Variants in PCDH11Y observed in about 807,000 individuals in gnomAD.
The protein encoded by PCDH11Y is protocadherin 11 Y-linked.
For synonymous variants in PCDH11Y, 9 were observed against 83.6 expected, an observed-to-expected ratio of 0.11 and a Z score of 4.87; for missense variants, 12 against 224.8, an observed-to-expected ratio of 0.05 and a Z score of 6.05.
intron 3 of PCDH11Y, among the ~76,000 whole-genome samples, chrY:5,565,961 T>A (rs912029286): frequency 1.8e-4 from 4 of 22,623 alleles, no homozygotes; most frequent in East Asian, 1.1e-3. Flanking sequence ...TATATATATA[T>A]AATATATATA....
exon 5 of PCDH11Y, chrY:5,741,366 T>C (rs2053617301): frequency 6.3e-5 from 2 of 31,735 alleles, no homozygotes; most frequent in Non-Finnish European, 1.5e-4. Flanking sequence ...ATTAAAGGTG[T>C]TTTACTCACA....
intron 2 of PCDH11Y, among the ~76,000 whole-genome samples, chrY:5,157,918 A>G: frequency 3.0e-5 from 1 of 32,926 alleles, no homozygotes. Context: ...CTTGAGATTT[A>G]TAGGTCACTC....
intron 3 of PCDH11Y, among the ~76,000 whole-genome samples, chrY:5,521,903 T>C (rs2124690355): frequency 3.0e-5 from 1 of 33,718 alleles, no homozygotes; most frequent in East Asian, 7.9e-4. Flanking sequence ...GGAGTCTCAC[T>C]CTGTTGCTCA....
Position 5,435,025 on chromosome Y carries a change from A to T in PCDH11Y, c.3130-66032A>T. The stretch of plus-strand genomic sequence containing the variant: ...TGAATATTTATGAAGATCCTGACAC[A>T]TCTATTGAACAAACATGCATGTAAC... On this transcript the variant is annotated intron_variant, in intron 2 of 4. Transcript: ENST00000400457. 8.9e-5 allele frequency among the ~76,000 whole-genome samples: 3 copies of T among 33,684 alleles called. No individual in the cohort carries two copies. In the South Asian group the frequency reaches 2.0e-3, roughly 22 times the overall value. The allele number at this position is 33,684 out of a possible 37,273, so 90.4% of individuals were successfully genotyped here.
chrY:5,407,749 TA>T (rs2053240749), intron 2 of PCDH11Y, among the ~76,000 whole-genome samples: 4 of 29,611 alleles, frequency 1.4e-4, no homozygotes, highest in East Asian at 1.8e-3. Context: ...CCGTCTCTAC[TA>T]AAAAAAATAC....
intron 2 of PCDH11Y, among the ~76,000 whole-genome samples, chrY:5,444,194 A>G: frequency 6.2e-5 from 2 of 32,145 alleles, no homozygotes; most frequent in Non-Finnish European, 1.5e-4. Flanking sequence ...ATTATTATGC[A>G]TTATATGCCT....
At chrY:5,627,439 T>TA (rs2053508473) in intron 4 of PCDH11Y, among the ~76,000 whole-genome samples, 1 of 28,671 alleles carries the variant, frequency 3.5e-5, no homozygotes, top group African/African-American at 1.4e-4. Flanking sequence ...TTTGCTCTTG[T>TA]AGCCCAGACT....
At chrY:5,636,536 G>A in intron 4 of PCDH11Y, among the ~76,000 whole-genome samples, 1 of 33,686 alleles carries the variant, frequency 3.0e-5, no homozygotes, top group Admixed American at 2.7e-4. Context: ...TCAACAATTA[G>A]TAGTGACATA....
chrY:5,550,649 A>G, intron 3 of PCDH11Y, among the ~76,000 whole-genome samples: 2 of 33,097 alleles, frequency 6.0e-5, no homozygotes, highest in African/African-American at 1.2e-4. Context: ...TAAATTGTCC[A>G]TATGTCCCCT....
At chrY:5,385,103 T>C in intron 2 of PCDH11Y, among the ~76,000 whole-genome samples, 1 of 28,422 alleles carries the variant, frequency 3.5e-5, no homozygotes, top group Non-Finnish European at 8.2e-5. Context: ...TATTTTGGTC[T>C]GTAGCTGGCT....
intron 2 of PCDH11Y, among the ~76,000 whole-genome samples, chrY:5,412,249 A>G: frequency 3.3e-5 from 1 of 30,629 alleles, no homozygotes; most frequent in Admixed American, 3.1e-4. Context: ...TCATTGGTGT[A>G]TAGGAATGCT....
chrY:5,180,908 C>A, intron 2 of PCDH11Y, among the ~76,000 whole-genome samples: 1 of 32,521 alleles, frequency 3.1e-5, no homozygotes, highest in Non-Finnish European at 7.6e-5. Context: ...GGCATTTAGC[C>A]CATTTACATT....
At chrY:5,473,381 T>C in intron 2 of PCDH11Y, among the ~76,000 whole-genome samples, 7 of 31,415 alleles carry the variant, frequency 2.2e-4, no homozygotes, top group Non-Finnish European at 5.5e-4. Context: ...CATTTTACTT[T>C]ACGTTTGTAT....
intron 4 of PCDH11Y, among the ~76,000 whole-genome samples, chrY:5,663,977 A>G: frequency 3.3e-5 from 1 of 30,685 alleles, no homozygotes; most frequent in African/African-American, 1.3e-4. Flanking sequence ...AGCTTTCATG[A>G]AGAAATGTCT....
intron 2 of PCDH11Y, among the ~76,000 whole-genome samples, chrY:5,353,187 G>C: frequency 3.3e-5 from 1 of 30,547 alleles, no homozygotes; most frequent in Non-Finnish European, 7.8e-5. Context: ...AATTTTAGTA[G>C]AGACGGGGGT....
intron 2 of PCDH11Y, among the ~76,000 whole-genome samples, chrY:5,253,439 G>T (rs2124657116): frequency 3.0e-5 from 1 of 33,124 alleles, no homozygotes; most frequent in Admixed American, 2.8e-4. Context: ...AACAGAAACA[G>T]CAAAGACAAG....
chrY:5,060,981 C>T (rs1602854078), intron 1 of PCDH11Y, among the ~76,000 whole-genome samples: 1 of 29,911 alleles, frequency 3.3e-5, no homozygotes, highest in East Asian at 8.5e-4. Flanking sequence ...CAATCCAGCC[C>T]GGGTAACAGT....
downstream of PCDH11Y, among the ~76,000 whole-genome samples, chrY:5,107,866 T>C (rs2052793789): frequency 1.2e-4 from 4 of 32,537 alleles, no homozygotes; most frequent in Admixed American, 5.6e-4. Context: ...GAGACCATCC[T>C]GGCTAACACA....
intron 1 of PCDH11Y, among the ~76,000 whole-genome samples, chrY:5,087,621 A>G (rs2052733637): frequency 3.1e-5 from 1 of 31,942 alleles, no homozygotes; most frequent in African/African-American, 1.2e-4. Context: ...GTTAGGGGAC[A>G]GGGGATGCTT....
Sources: gnomAD v4.1 joint callset for allele counts (sites outside exome capture counted in the v4.1 genomes callset) on GRCh38, gnomAD v4.1.1 for gene constraint, MANE v1.5 for transcripts, NCBI Gene and HGNC (gene_info 2026-07-23, HGNC 2026-07-21) for gene names.